Variants in DNAAF4 observed in about 807,000 individuals in gnomAD.
DNAAF4 encodes the protein dynein assembly factor 4, axonemal.
A neutral mutation model predicts 51.8 loss-of-function variants in DNAAF4; 43 were observed. The observed-to-expected ratio is 0.83, with a 90% CI of 0.65 to 1.07. DNAAF4 has a LOEUF of 1.07. Among genes scored for constraint, DNAAF4 ranks in the 50% least tolerant of loss-of-function variants. The pLI is 0.00. For synonymous variants in DNAAF4, 194 were observed against 165.6 expected, an observed-to-expected ratio of 1.17 and a Z score of -1.32; for missense variants, 581 against 493.0, an observed-to-expected ratio of 1.18 and a Z score of -1.69.
In DNAAF4 at chr15:55,450,475, T is replaced by C. The variant is rs2057915430; in HGVS notation, c.638-108A>G. ...AGCTCACCCCCAAATCCTAAACAAATAAATCAAATATATTTTCTGCAAGAA... is the reference window on the plus strand; with the variant it reads ...AGCTCACCCCCAAATCCTAAACAAACAAATCAAATATATTTTCTGCAAGAA... On this transcript the variant is annotated intron_variant, in intron 5 of 9. Coordinates refer to ENST00000321149, the MANE Select transcript of DNAAF4 (RefSeq NM_130810.4). 39 of 1,222,374 alleles carry C rather than the reference T, an allele frequency of 3.2e-5. No homozygotes were observed. In the South Asian group the frequency reaches 6.1e-4, roughly 19 times the overall value. 75.7% of individuals were successfully genotyped at this position (1,222,374 alleles called of 1,614,324 possible).
At chr15:55,500,301 T>A (rs1391340943) in intron 1 of DNAAF4, among the ~76,000 whole-genome samples, 1 of 152,134 alleles carries the variant, frequency 6.6e-6, no homozygotes, top group Admixed American at 6.6e-5. Context: ...ATACTGGGAG[T>A]CATCCTAGAC....
At chr15:55,492,481 G>C (rs1311703601) in intron 3 of DNAAF4, among the ~76,000 whole-genome samples, 1 of 151,878 alleles carries the variant, frequency 6.6e-6, no homozygotes, top group Non-Finnish European at 1.5e-5. Flanking sequence ...AAAATATACA[G>C]GTCTACAAAG....
In DNAAF4 at chr15:55,498,321, A is replaced by C. The variant is rs1042193973; in HGVS notation, c.9T>G (p.Leu3=). MP[L]QVSDYSWQQT... is the part of the protein sequence containing the mutation. ...GCTGCCAGCTGTAATCGCTAACCTGAAGAGGCATTCCGGTAGCAACGGGAG... is the reference window on the plus strand; with the variant it reads ...GCTGCCAGCTGTAATCGCTAACCTGCAGAGGCATTCCGGTAGCAACGGGAG... Residue 3 remains leucine, a synonymous_variant, in exon 2 of 10, where the codon CTT becomes CTG. Coordinates refer to ENST00000321149, the MANE Select transcript of DNAAF4 (RefSeq NM_130810.4). 4 of 1,605,144 alleles carry C rather than the reference A, an allele frequency of 2.5e-6. No homozygotes were observed. Among genetic ancestry groups the C allele is most frequent in the Non-Finnish European group, 3.4e-6 (4 of 1,174,874 alleles).
At chr15:55,507,536 A>C (rs895705473) in intron 1 of DNAAF4, among the ~76,000 whole-genome samples, 13 of 152,210 alleles carry the variant, frequency 8.5e-5, no homozygotes, top group African/African-American at 2.9e-4. Flanking sequence ...GCATCACTGT[A>C]AAGTTAGGAA....
At chr15:55,433,898 T>TA (rs1471081823) in intron 8 of DNAAF4, among the ~76,000 whole-genome samples, 1 of 44,816 alleles carries the variant, frequency 2.2e-5, no homozygotes, top group African/African-American at 1.5e-4. Context: ...ATATATATTA[T>TA]ATATATTATA....
At position 55,435,073 on chromosome 15, in the gene DNAAF4, A is replaced by C; in HGVS notation, c.894-15T>G. The C allele has an allele frequency of 6.4e-7, 1 of 1,570,728 alleles. No individual in the cohort carries two copies. The highest frequency in any genetic ancestry group is 8.6e-7 in the Non-Finnish European group (1 of 1,164,586). On this transcript the variant is annotated splice_polypyrimidine_tract_variant and intron_variant, in intron 7 of 9. Transcript: ENST00000321149. ...CAAACAATTTGCTAATGAGACAAAAACAGAGAAGAAAAACAATTTAACATT... is the reference window on the plus strand; with the variant it reads ...CAAACAATTTGCTAATGAGACAAAACCAGAGAAGAAAAACAATTTAACATT...
chr15:55,462,990 G>A (rs2058115172), intron 5 of DNAAF4, among the ~76,000 whole-genome samples: 1 of 152,172 alleles, frequency 6.6e-6, no homozygotes, highest in Non-Finnish European at 1.5e-5. Flanking sequence ...TGGCCAACAT[G>A]GCGAAACCCT....
At chr15:55,493,279 A>G (rs1277140017) in intron 3 of DNAAF4, among the ~76,000 whole-genome samples, 1 of 152,234 alleles carries the variant, frequency 6.6e-6, no homozygotes, top group East Asian at 1.9e-4. Flanking sequence ...TATAGTACCC[A>G]AACAGACTAA....
intron 4 of DNAAF4, among the ~76,000 whole-genome samples, chr15:55,470,982 T>C (rs538132383): frequency 4.6e-5 from 7 of 151,094 alleles, no homozygotes; most frequent in South Asian, 2.1e-4. Context: ...GCCTCTCAAG[T>C]AGTTGGGACC....
chr15:55,498,075 A>G (rs937939845), intron 2 of DNAAF4, 132 bp downstream of exon 2: 8 of 1,496,586 alleles, frequency 5.3e-6, no homozygotes, highest in Non-Finnish European at 5.4e-6. Flanking sequence ...TATGGGATTC[A>G]TTTTTTTAAT....
At chr15:55,463,361 C>T (rs1039169919) in intron 5 of DNAAF4, among the ~76,000 whole-genome samples, 1 of 152,030 alleles carries the variant, frequency 6.6e-6, no homozygotes, top group African/African-American at 2.4e-5. Context: ...AAGTGTTTCC[C>T]CTGAGAACTG....
At chr15:55,434,770 AG>A in intron 8 of DNAAF4, 134 bp downstream of exon 8, 1 of 837,552 alleles carries the variant, frequency 1.2e-6, no homozygotes, top group Non-Finnish European at 1.7e-6. Context: ...AAAAAAAAAA[AG>A]ATTCAATAAG....
intron 4 of DNAAF4, among the ~76,000 whole-genome samples, chr15:55,471,141 G>T (rs1210162959): frequency 1.3e-5 from 2 of 152,040 alleles, no homozygotes; most frequent in Non-Finnish European, 1.5e-5. Flanking sequence ...AATTACAGGC[G>T]TAAGCCAGTG....
chr15:55,440,750 C>T (rs547206686), intron 6 of DNAAF4, among the ~76,000 whole-genome samples: 57 of 151,806 alleles, frequency 3.8e-4, no homozygotes, highest in African/African-American at 1.3e-3. Flanking sequence ...AGCACAATCT[C>T]GGTTCACTGT....
intron 5 of DNAAF4, among the ~76,000 whole-genome samples, 161 bp downstream of exon 5, chr15:55,466,769 G>A (rs1019668891): frequency 2.0e-5 from 3 of 152,166 alleles, no homozygotes; most frequent in Middle Eastern, 3.4e-3. Context: ...CATTATCCCC[G>A]AAAGAAGAAA....
At chr15:55,492,302 G>C (rs1477037357) in intron 3 of DNAAF4, among the ~76,000 whole-genome samples, 1 of 151,492 alleles carries the variant, frequency 6.6e-6, no homozygotes, top group Non-Finnish European at 1.5e-5. Context: ...CAGAAGGGGA[G>C]AGGAGAAAAC....
chr15:55,421,187 C>A (rs371698059), intron 7 of DNAAF4, among the ~76,000 whole-genome samples: 140 of 110,204 alleles, frequency 1.3e-3, no homozygotes, highest in South Asian at 2.6e-3. Context: ...GAGACTATCT[C>A]AAAAAAAAAA....
intron 1 of DNAAF4, among the ~76,000 whole-genome samples, chr15:55,499,395 C>A (rs983495443): frequency 3.3e-5 from 5 of 152,180 alleles, no homozygotes; most frequent in African/African-American, 1.2e-4. Context: ...ATAAACGAAC[C>A]TGACTGGGAA....
At chr15:55,457,082 C>A (rs985076941) in intron 5 of DNAAF4, among the ~76,000 whole-genome samples, 1 of 152,142 alleles carries the variant, frequency 6.6e-6, no homozygotes, top group Non-Finnish European at 1.5e-5. Flanking sequence ...GAAGCCACAG[C>A]CAATAGTGTG....
Sources: gnomAD v4.1 joint callset for allele counts (sites outside exome capture counted in the v4.1 genomes callset) on GRCh38, gnomAD v4.1.1 for gene constraint, MANE v1.5 for transcripts, NCBI Gene and HGNC (gene_info 2026-07-23, HGNC 2026-07-21) for gene names.